GALNT17: variants seen among roughly 807,000 people sequenced by gnomAD.
The protein encoded by GALNT17 is polypeptide N-acetylgalactosaminyltransferase 17, also known as UDP-GalNAc:polypeptide N-acetylgalactosaminyltransferase-like 3.
Under a neutral mutation model 63.7 loss-of-function variants are expected in GALNT17, and 29 were observed. The observed-to-expected ratio is 0.46, with a 90% confidence interval of 0.34 to 0.62. GALNT17 has a LOEUF of 0.62. GALNT17 is among the 20% of genes least tolerant of loss of function. The pLI is 0.01. For synonymous variants in GALNT17, 305 were observed against 318.3 expected, an observed-to-expected ratio of 0.96 and a Z score of 0.45; for missense variants, 603 against 799.6, an observed-to-expected ratio of 0.75 and a Z score of 2.97.
chr7:71,501,084 C>T (rs981727477), intron 5 of GALNT17, among the ~76,000 whole-genome samples: 2 of 152,146 alleles, frequency 1.3e-5, no homozygotes, highest in African/African-American at 2.4e-5. Flanking sequence ...ATTCCCCTGC[C>T]TCAGCCTCCT....
chr7:71,566,664 C>CTT (rs568457006), intron 5 of GALNT17, among the ~76,000 whole-genome samples: 71 of 131,600 alleles, frequency 5.4e-4, no homozygotes, highest in Middle Eastern at 8.3e-3. Context: ...CGAGATAAAG[C>CTT]TTTTTTTTTT....
At chr7:71,697,470 G>A (rs1198640576) in intron 9 of GALNT17, among the ~76,000 whole-genome samples, 3 of 152,166 alleles carry the variant, frequency 2.0e-5, no homozygotes, top group Non-Finnish European at 4.4e-5. Flanking sequence ...AAGTGCGCAA[G>A]TCTAGAACTA....
Position 71,396,686 on chromosome 7 carries a change from T to G in GALNT17, c.589+8285T>G, listed in dbSNP as rs114696238. 3.9e-3 allele frequency among the ~76,000 whole-genome samples: 598 copies of G among 152,318 alleles called. 3 individuals carry two copies. The highest frequency in any genetic ancestry group is 0.013 in the African/African-American group (560 of 41,568). On this transcript the variant is annotated intron_variant, in intron 3 of 10. Transcript: ENST00000333538. The stretch of plus-strand genomic sequence containing the variant: ...TTAGAATTTTGTTGGGATTGTATTA[T>G]ATGTGTAAATCAATTTGGAGAGTAT...
chr7:71,245,335 A>G lies in GALNT17; in HGVS notation c.239-90215A>G, dbSNP rs541062496. On this transcript the variant is annotated intron_variant, in intron 1 of 10. Transcript: ENST00000333538. ...AGAGACTATTTTAAAAAACCATCCT[A>G]ATTTTGTGAGGCAGAATGTTGTTGC... Among the ~76,000 whole-genome samples, 18 of 152,184 alleles carry G rather than the reference A, an allele frequency of 1.2e-4. No individual in the cohort carries two copies. In the South Asian group the frequency reaches 3.7e-3, roughly 32 times the overall value.
chr7:71,471,092 C>A (rs951624637), intron 5 of GALNT17, among the ~76,000 whole-genome samples: 2 of 150,490 alleles, frequency 1.3e-5, no homozygotes, highest in Non-Finnish European at 3.0e-5. Flanking sequence ...TGTTTTTTTT[C>A]TTTTCCCCAG....
chr7:71,428,117 T>C (rs1786793119), intron 5 of GALNT17, among the ~76,000 whole-genome samples: 1 of 152,172 alleles, frequency 6.6e-6, no homozygotes, highest in South Asian at 2.1e-4. Flanking sequence ...TTTACCATTT[T>C]ATCCATTGTA....
chr7:71,225,580 C>T (rs1352721420), intron 1 of GALNT17, among the ~76,000 whole-genome samples: 2 of 152,310 alleles, frequency 1.3e-5, no homozygotes, highest in East Asian at 1.9e-4. Context: ...AGAGAAGTTC[C>T]GTACTGTATC....
intron 6 of GALNT17, among the ~76,000 whole-genome samples, chr7:71,648,366 G>T (rs1025324583): frequency 2.6e-5 from 4 of 151,676 alleles, no homozygotes; most frequent in Admixed American, 1.3e-4. Flanking sequence ...GAACTCCTGG[G>T]ATCAAACAAT....
chr7:71,251,138 C>T (rs369573029), intron 1 of GALNT17, among the ~76,000 whole-genome samples: 10 of 151,952 alleles, frequency 6.6e-5, no homozygotes, highest in South Asian at 4.1e-4. Context: ...ATTTACGTTA[C>T]GTATATCTCC....
In GALNT17 at chr7:71,683,026, T is replaced by C. The variant is rs149148686; in HGVS notation, c.1500+5720T>C. Among the ~76,000 whole-genome samples the C allele has an allele frequency of 1.5e-3, 232 of 152,210 alleles. 1 individual carries two copies. The East Asian group carries it at 0.017, about 11-fold the overall frequency. On this transcript the variant is annotated intron_variant, in intron 9 of 10. Transcript: ENST00000333538. ...TTTGTTAGGAAATGGCTGGGTTTCA[T>C]CTTTCCCAGTTCCACCTGCGTGCGG...
At chr7:71,385,827 G>A (rs926340237) in intron 2 of GALNT17, among the ~76,000 whole-genome samples, 4 of 152,174 alleles carry the variant, frequency 2.6e-5, no homozygotes, top group African/African-American at 9.6e-5. Context: ...AGCAGTTTGG[G>A]AGGCTGAGGT....
At chr7:71,380,405 G>C (rs1341385282) in intron 2 of GALNT17, among the ~76,000 whole-genome samples, 1 of 151,998 alleles carries the variant, frequency 6.6e-6, no homozygotes, top group Non-Finnish European at 1.5e-5. Flanking sequence ...GTGCCATCAT[G>C]GCCCCCAGCA....
chr7:71,257,319 C>T (rs2115597179), intron 1 of GALNT17, among the ~76,000 whole-genome samples: 1 of 152,242 alleles, frequency 6.6e-6, no homozygotes, highest in Admixed American at 6.5e-5. Flanking sequence ...TTCATGCTTC[C>T]TATTAGTCAG....
chr7:71,577,124 T>C (rs1789552073), intron 6 of GALNT17, among the ~76,000 whole-genome samples: 1 of 152,142 alleles, frequency 6.6e-6, no homozygotes, highest in African/African-American at 2.4e-5. Flanking sequence ...GAAAACCGAA[T>C]ACCACATGTT....
intron 5 of GALNT17, among the ~76,000 whole-genome samples, chr7:71,450,703 T>C (rs1216714909): frequency 6.6e-6 from 1 of 152,130 alleles, no homozygotes; most frequent in Non-Finnish European, 1.5e-5. Context: ...ACCACAAATC[T>C]ATTTTCTGTC....
chr7:71,465,139 G>C (rs929672681), intron 5 of GALNT17, among the ~76,000 whole-genome samples: 4 of 152,168 alleles, frequency 2.6e-5, no homozygotes, highest in Admixed American at 2.6e-4. Flanking sequence ...AAGGGTACAA[G>C]GATGTTGTGA....
At chr7:71,396,066 T>C (rs949955771) in intron 3 of GALNT17, among the ~76,000 whole-genome samples, 21 of 152,214 alleles carry the variant, frequency 1.4e-4, no homozygotes, top group Admixed American at 1.4e-3. Context: ...CTGTGGGTTG[T>C]CTTTTCACAT....
chr7:71,650,686 G>C (rs1790741194), intron 6 of GALNT17, among the ~76,000 whole-genome samples: 3 of 152,096 alleles, frequency 2.0e-5, no homozygotes, highest in Admixed American at 2.0e-4. Context: ...ATCTATAATT[G>C]TGCCCTACCA....
chr7:71,577,085 A>G (rs1463423089), intron 6 of GALNT17, among the ~76,000 whole-genome samples: 2 of 152,210 alleles, frequency 1.3e-5, no homozygotes, highest in Admixed American at 1.3e-4. Flanking sequence ...GTGAAAGGCC[A>G]TTATCCTAAG....
Sources: allele counts gnomAD v4.1 joint callset (sites outside exome capture counted in the v4.1 genomes callset), GRCh38; gene constraint gnomAD v4.1.1; transcripts MANE v1.5; gene names NCBI Gene and HGNC (gene_info 2026-07-23, HGNC 2026-07-21).